Variants in POLR3B observed in about 807,000 individuals in gnomAD.
POLR3B encodes the protein DNA-directed RNA polymerase III subunit RPC2.
Under a neutral mutation model 147.4 loss-of-function variants are expected in POLR3B, and 96 were observed. The ratio of observed to expected loss-of-function variants is 0.65; its 90% CI spans 0.55 to 0.77. The LOEUF (loss-of-function observed/expected upper bound fraction) is 0.77, where lower values mean the gene tolerates loss of function less well. POLR3B is among the 30% of genes least tolerant of loss of function. POLR3B has a pLI of 0.00. For synonymous variants in POLR3B, 461 were observed against 485.9 expected, an observed-to-expected ratio of 0.95 and a Z score of 0.67; for missense variants, 1,036 against 1,413.5, an observed-to-expected ratio of 0.73 and a Z score of 4.28.
chr12:106,461,168 C>T (rs919560845), intron 22 of POLR3B, among the ~76,000 whole-genome samples: 1 of 152,094 alleles, frequency 6.6e-6, no homozygotes, highest in Non-Finnish European at 1.5e-5. Flanking sequence ...GATCTCGGCT[C>T]ACTGCAGCCT....
chr12:106,371,859 C>T (rs1281577114), intron 6 of POLR3B, among the ~76,000 whole-genome samples: 1 of 151,506 alleles, frequency 6.6e-6, no homozygotes, highest in Non-Finnish European at 1.5e-5. Flanking sequence ...TTAATGGGTG[C>T]AGCACACCAG....
intron 20 of POLR3B, among the ~76,000 whole-genome samples, chr12:106,456,798 T>G (rs979827539): frequency 2.6e-5 from 4 of 152,190 alleles, no homozygotes; most frequent in Admixed American, 6.6e-5. Context: ...GCCTTTCCAA[T>G]TCTAATATTC....
chr12:106,374,980 A>T (rs1188580580), intron 6 of POLR3B, among the ~76,000 whole-genome samples: 1 of 151,998 alleles, frequency 6.6e-6, no homozygotes, highest in African/African-American at 2.4e-5. Context: ...CTGAAGATGA[A>T]TTTTTTTTAG....
At chr12:106,383,977 CAAAAA>C (rs796136154) in intron 9 of POLR3B, among the ~76,000 whole-genome samples, 2 of 108,262 alleles carry the variant, frequency 1.8e-5, no homozygotes, top group East Asian at 5.8e-4. Context: ...GACTCCATCT[CAAAAA>C]AAAAAAAGAG....
chr12:106,362,883 A>G (rs984662608), intron 1 of POLR3B, among the ~76,000 whole-genome samples: 3 of 152,042 alleles, frequency 2.0e-5, no homozygotes, highest in Admixed American at 6.6e-5. Flanking sequence ...TTTTATAGTT[A>G]TGTGCTCTAT....
chr12:106,459,815 A>G (rs1759827752), intron 22 of POLR3B, among the ~76,000 whole-genome samples: 1 of 152,348 alleles, frequency 6.6e-6, no homozygotes, highest in East Asian at 1.9e-4. Context: ...TGTTTTGTGT[A>G]TCTTACATGA....
chr12:106,387,947 C>T (rs1186683949), intron 9 of POLR3B, among the ~76,000 whole-genome samples: 1 of 152,034 alleles, frequency 6.6e-6, no homozygotes, highest in Non-Finnish European at 1.5e-5. Flanking sequence ...ATGGGGATAC[C>T]AGAAAAGACA....
intron 6 of POLR3B, among the ~76,000 whole-genome samples, chr12:106,370,658 G>T: frequency 7.0e-6 from 1 of 142,546 alleles, no homozygotes; most frequent in South Asian, 2.3e-4. Context: ...TTGAGACAGA[G>T]TCTTACTCTG....
intron 8 of POLR3B, among the ~76,000 whole-genome samples, chr12:106,378,722 C>T (rs1473857477): frequency 6.6e-6 from 1 of 151,810 alleles, no homozygotes; most frequent in Non-Finnish European, 1.5e-5. Flanking sequence ...CCTTTTCAGC[C>T]TTTTACCATT....
intron 10 of POLR3B, among the ~76,000 whole-genome samples, chr12:106,395,126 G>C (rs563573465): frequency 6.6e-6 from 1 of 152,232 alleles, no homozygotes; most frequent in East Asian, 1.9e-4. Flanking sequence ...CAGCTGCTTG[G>C]GAGGCTGAGG....
At position 106,376,344 on chromosome 12, in the gene POLR3B, T is replaced by C. The variant is rs1292578501; in HGVS notation, c.405-15T>C. Reference sequence around the variant, plus strand: ...AGCCTACATGTGATATTTTCTTTTGTTTTATTTTATACAGAATGCCCATAA... The same window carrying C: ...AGCCTACATGTGATATTTTCTTTTGCTTTATTTTATACAGAATGCCCATAA... On this transcript the variant is annotated splice_polypyrimidine_tract_variant and intron_variant, in intron 6 of 27. Transcript: ENST00000228347. The C allele has an allele frequency of 5.1e-6, 8 of 1,582,936 alleles. No homozygotes were observed. The highest frequency in any genetic ancestry group is 1.1e-5 in the South Asian group (1 of 90,506).
At chr12:106,443,296 C>T (rs954153849) in intron 18 of POLR3B, among the ~76,000 whole-genome samples, 17 of 152,002 alleles carry the variant, frequency 1.1e-4, no homozygotes, top group African/African-American at 4.1e-4. Flanking sequence ...AACATTTACA[C>T]TTTTAAAAGA....
intron 22 of POLR3B, among the ~76,000 whole-genome samples, chr12:106,461,669 A>G (rs1234482066): frequency 6.6e-6 from 1 of 152,174 alleles, no homozygotes; most frequent in Non-Finnish European, 1.5e-5. Context: ...TTCAGTAAAT[A>G]GTTATGTGAA....
At chr12:106,431,625 CT>C (rs2037511678) in intron 14 of POLR3B, among the ~76,000 whole-genome samples, 1 of 152,310 alleles carries the variant, frequency 6.6e-6, no homozygotes, top group Non-Finnish European at 1.5e-5. Flanking sequence ...TTTCCACAAT[CT>C]TTCATCTAGA....
chr12:106,497,125 T>TA lies in POLR3B; in HGVS notation c.2984+218dup, dbSNP rs754516405. ...AACATTATGAGAGTTTTTCATGATT[T>TA]AAAAAAAAAAATTTTTTTTTTTTTA... On this transcript the variant is annotated intron_variant, in intron 25 of 27. Transcript: ENST00000228347. Among the ~76,000 whole-genome samples the TA allele has an allele frequency of 5.8e-3, 857 of 147,920 alleles. 14 individuals carry two copies. Among genetic ancestry groups the TA allele is most frequent in the Non-Finnish European group, 9.3e-3 (621 of 66,694 alleles).
intron 9 of POLR3B, among the ~76,000 whole-genome samples, chr12:106,382,263 A>G (rs1471075706): frequency 6.6e-6 from 1 of 152,162 alleles, no homozygotes; most frequent in Non-Finnish European, 1.5e-5. Context: ...CTTTTATAAG[A>G]CAACCCTAGT....
chr12:106,363,690 G>A (rs1474307010), intron 1 of POLR3B, among the ~76,000 whole-genome samples, 180 bp from the exon 2 acceptor site: 3 of 152,208 alleles, frequency 2.0e-5, no homozygotes, highest in African/African-American at 7.2e-5. Context: ...TGTAGTGTAT[G>A]TATGTATGTG....
At chr12:106,503,652 T>C (rs913831435) in intron 26 of POLR3B, among the ~76,000 whole-genome samples, 3 of 152,214 alleles carry the variant, frequency 2.0e-5, no homozygotes, top group African/African-American at 7.2e-5. Context: ...CACAGTCTAT[T>C]CTGCTTAGTT....
chr12:106,507,885 A>G (rs536577404), intron 27 of POLR3B: 71 of 449,368 alleles, frequency 1.6e-4, no homozygotes, highest in Non-Finnish European at 2.8e-4. Context: ...AAAAGTTACC[A>G]CAAATATAAA....
Sources: allele counts gnomAD v4.1 joint callset (sites outside exome capture counted in the v4.1 genomes callset), GRCh38; gene constraint gnomAD v4.1.1; transcripts MANE v1.5; gene names NCBI Gene and HGNC (gene_info 2026-07-23, HGNC 2026-07-21).